The following DYNC2H1 variants were observed in gnomAD, a reference collection of about 807,000 sequenced individuals.
DYNC2H1 encodes dynein cytoplasmic 2 heavy chain 1, also known as cytoplasmic dynein 2 heavy chain 1.
A neutral mutation model predicts 570.0 loss-of-function variants in DYNC2H1; 410 were observed. The ratio of observed to expected loss-of-function variants is 0.72; its 90% CI spans 0.66 to 0.78. The LOEUF is 0.78. Among genes scored for constraint, DYNC2H1 ranks in the 30% least tolerant of loss-of-function variants. The pLI is 0.00. For missense variants in DYNC2H1, 4,865 were observed against 5,046.4 expected, an observed-to-expected ratio of 0.96 and a Z score of 1.09; for synonymous variants, 1,688 against 1,677.6, an observed-to-expected ratio of 1.01 and a Z score of -0.15.
chr11:103,335,315 C>T (rs17100406), intron 82 of DYNC2H1, among the ~76,000 whole-genome samples: 39,291 of 151,876 alleles, frequency 0.26, 5,315 homozygotes, highest in Admixed American at 0.34. Context: ...TATACAGTTC[C>T]TGGTCCCTTA....
chr11:103,180,844 A>G (rs1020242017), intron 39 of DYNC2H1, among the ~76,000 whole-genome samples: 3 of 151,498 alleles, frequency 2.0e-5, no homozygotes, highest in Admixed American at 6.6e-5. Flanking sequence ...AATGTTATAT[A>G]ATTATTAACC....
At chr11:103,115,156 T>G in intron 3 of DYNC2H1, 21 bp from the exon 4 acceptor site, 1 of 1,562,806 alleles carries the variant, frequency 6.4e-7, no homozygotes, top group Non-Finnish European at 8.7e-7. Context: ...TGCCATTTTT[T>G]TCCCCTCTTG....
rs750985600 is a variant in DYNC2H1, at chr11:103,439,514, T to G, written c.12456+3482T>G. Among the ~76,000 whole-genome samples the G allele has an allele frequency of 6.6e-6, 1 of 152,088 alleles. No individual in the cohort carries two copies. Among genetic ancestry groups the G allele is most frequent in the Non-Finnish European group, 1.5e-5 (1 of 67,992 alleles). On this transcript the variant is annotated intron_variant, in intron 85 of 88. Coordinates refer to ENST00000375735, the MANE Select transcript of DYNC2H1 (RefSeq NM_001377.3). This position sits in a 1 kb window ranked among gnomAD's most constrained non-coding sequence, Gnocchi z 4.1. Reference sequence around the variant, plus strand: ...ACAAAAGGTAACCATTGCAGCATTTTAAGAAGGAAAGTCAGATTATGTTTT... The same window carrying G: ...ACAAAAGGTAACCATTGCAGCATTTGAAGAAGGAAAGTCAGATTATGTTTT...
chr11:103,280,154 T>TA lies in DYNC2H1; in HGVS notation c.10696-193dup, dbSNP rs1808035052. Among the ~76,000 whole-genome samples, 1 of 152,182 alleles carries TA rather than the reference T, an allele frequency of 6.6e-6. No homozygotes were observed. The highest frequency in any genetic ancestry group is 6.5e-5 in the Admixed American group (1 of 15,280). ...TTCTCCAAAAATGTGATCACTTACTTACTCTGACCCCACCCCTGACTTGAA... is the reference window on the plus strand; with the variant it reads ...TTCTCCAAAAATGTGATCACTTACTTAACTCTGACCCCACCCCTGACTTGAA... On this transcript the variant is annotated intron_variant, in intron 70 of 88. Transcript: ENST00000375735. This position sits in a 1 kb window ranked among gnomAD's most constrained non-coding sequence, Gnocchi z 4.7.
intron 87 of DYNC2H1, among the ~76,000 whole-genome samples, chr11:103,459,295 C>T (rs1347706468): frequency 4.7e-5 from 4 of 84,714 alleles, no homozygotes; most frequent in South Asian, 5.0e-4. Flanking sequence ...GGCGACAGAG[C>T]GAGACTCCGT....
chr11:103,319,177 G>A lies in DYNC2H1; in HGVS notation c.11726-1852G>A, dbSNP rs904903074. Among the ~76,000 whole-genome samples the A allele has an allele frequency of 6.6e-6, 1 of 152,070 alleles. No individual in the cohort carries two copies. Among genetic ancestry groups the A allele is most frequent in the Non-Finnish European group, 1.5e-5 (1 of 67,976 alleles). ...ACGTTTGTGATAGAATTAATTAATA[G>A]CATTGTAAGACATAGATATATAAAT... On this transcript the variant is annotated intron_variant, in intron 80 of 88. Coordinates refer to ENST00000375735, the MANE Select transcript of DYNC2H1 (RefSeq NM_001377.3). The surrounding 1 kb of genome is among the most constrained non-coding windows in gnomAD (Gnocchi z 4.3).
At chr11:103,207,260 A>C (rs1392790528) in intron 52 of DYNC2H1, among the ~76,000 whole-genome samples, 5 of 145,426 alleles carry the variant, frequency 3.4e-5, no homozygotes, top group Non-Finnish European at 6.0e-5. Context: ...GATGGGACAC[A>C]CTATAGTATG....
At chr11:103,176,602 G>A (rs1358824082) in intron 37 of DYNC2H1, among the ~76,000 whole-genome samples, 168 bp downstream of exon 37, 1 of 152,050 alleles carries the variant, frequency 6.6e-6, no homozygotes, top group Non-Finnish European at 1.5e-5. Flanking sequence ...TCTTCTTGCT[G>A]TGTGCTCTTA....
Position 103,203,721 on chromosome 11 carries a change from G to C in DYNC2H1, c.8256G>C (p.Lys2752Asn). 1 of 1,612,400 alleles carries C rather than the reference G, an allele frequency of 6.2e-7. No homozygotes were observed. Among genetic ancestry groups the C allele is most frequent in the Non-Finnish European group, 8.5e-7 (1 of 1,179,230 alleles). ...EELEPLLLPLKDQASQDGFFG... is the reference protein window; with the variant it reads ...EELEPLLLPLNDQASQDGFFG... ...TAGAGCCCTTGCTGTTACCACTTAA[G>C]GATCAAGCTTCACAAGATGGTTTTT... The change falls in exon 51 of 89, where the codon AAG (lysine) becomes AAC (asparagine). Residue 2752 changes from lysine (K) to asparagine (N), a missense_variant. Physicochemically the swap from Lys to Asn is moderately conservative, Grantham distance 94 (BLOSUM62 0). This residue lies in a region of DYNC2H1 where 2,401 missense variants were observed against 2,454.6 expected (regional missense o/e 0.98). Coordinates refer to ENST00000375735, the MANE Select transcript of DYNC2H1 (RefSeq NM_001377.3). The surrounding 1 kb of genome is among the most constrained non-coding windows in gnomAD (Gnocchi z 4.7).
rs1208379128 is a variant in DYNC2H1, at chr11:103,244,639, T to G, written c.9919-612T>G. ...TATGACTACATATAAGTATACTATA[T>G]ATCTCTATATAGTTATATACATTAT... is the stretch of plus-strand genomic sequence containing the variant. On this transcript the variant is annotated intron_variant, in intron 64 of 88. Coordinates refer to ENST00000375735, the MANE Select transcript of DYNC2H1 (RefSeq NM_001377.3). The surrounding 1 kb of genome is among the most constrained non-coding windows in gnomAD (Gnocchi z 4.3). Among the ~76,000 whole-genome samples, 2 of 148,570 alleles carry G rather than the reference T, an allele frequency of 1.3e-5. No individual in the cohort carries two copies. The highest frequency in any genetic ancestry group is 3.0e-5 in the Non-Finnish European group (2 of 67,240).
intron 83 of DYNC2H1, among the ~76,000 whole-genome samples, chr11:103,376,509 A>G (rs181529298): frequency 6.6e-6 from 1 of 152,312 alleles, no homozygotes; most frequent in Non-Finnish European, 1.5e-5. Context: ...TAGGGCTAAC[A>G]TAAAGAATCC....
chr11:103,358,783 A>G (rs1857969629), intron 83 of DYNC2H1, among the ~76,000 whole-genome samples: 1 of 152,192 alleles, frequency 6.6e-6, no homozygotes, highest in South Asian at 2.1e-4. Flanking sequence ...TATACATAGT[A>G]CAACCATGTA....
chr11:103,377,316 T>C (rs1052039313), intron 83 of DYNC2H1, among the ~76,000 whole-genome samples: 1 of 152,130 alleles, frequency 6.6e-6, no homozygotes, highest in Non-Finnish European at 1.5e-5. Flanking sequence ...TCCTCTTATT[T>C]TTTCCCCCTT....
chr11:103,131,076 T>G (rs2134758276), intron 13 of DYNC2H1, among the ~76,000 whole-genome samples: 1 of 152,348 alleles, frequency 6.6e-6, no homozygotes, highest in South Asian at 2.1e-4. Flanking sequence ...AGACTTACTA[T>G]GCCTTCATTG....
rs1242474675 is a variant in DYNC2H1, at chr11:103,133,802, G to C, written c.2106+95G>C. On this transcript the variant is annotated intron_variant, in intron 14 of 88. Coordinates refer to ENST00000375735, the MANE Select transcript of DYNC2H1 (RefSeq NM_001377.3). The surrounding 1 kb of genome is among the most constrained non-coding windows in gnomAD (Gnocchi z 4.8). ...TTAAAAACTTATTTTGAAATAATTT[G>C]AGACTTAAAGTTACAAAAATAGTAC... is the stretch of plus-strand genomic sequence containing the variant. 7.7e-7 allele frequency: 1 copy of C among 1,298,912 alleles called. No individual in the cohort carries two copies. Among genetic ancestry groups the C allele is most frequent in the East Asian group, 2.6e-5 (1 of 38,032 alleles). 80.5% of individuals were successfully genotyped at this position (1,298,912 alleles called of 1,614,324 possible).
chr11:103,462,464 A>G (rs1005513492), intron 87 of DYNC2H1, among the ~76,000 whole-genome samples: 3 of 152,138 alleles, frequency 2.0e-5, no homozygotes, highest in Admixed American at 1.3e-4. Flanking sequence ...TTCCTCATGT[A>G]AAGTTTCTCA....
intron 65 of DYNC2H1, among the ~76,000 whole-genome samples, chr11:103,246,606 CT>C (rs775748151): frequency 9.9e-5 from 15 of 152,128 alleles, no homozygotes; most frequent in East Asian, 7.7e-4. Context: ...ACCATTGCCC[CT>C]ATCTTACTTT....
chr11:103,408,575 T>G (rs766345620), intron 84 of DYNC2H1, among the ~76,000 whole-genome samples: 1 of 152,098 alleles, frequency 6.6e-6, no homozygotes, highest in East Asian at 1.9e-4. Context: ...ATTAAATAGA[T>G]AGAAACCGAC....
chr11:103,270,525 A>C (rs1352570350), intron 70 of DYNC2H1, among the ~76,000 whole-genome samples: 1 of 152,202 alleles, frequency 6.6e-6, no homozygotes, highest in South Asian at 2.1e-4. Context: ...TAACAATTGT[A>C]AAATAGAACA....
Sources: gnomAD v4.1 joint callset for allele counts (sites outside exome capture counted in the v4.1 genomes callset) on GRCh38, gnomAD v4.1.1 for gene constraint, gnomAD v4.1.1 regional missense constraint, Gnocchi (gnomAD v3.1) non-coding constraint, MANE v1.5 for transcripts, NCBI Gene and HGNC (gene_info 2026-07-23, HGNC 2026-07-21) for gene names.